Variants in PPP6R3 observed in about 807,000 individuals in gnomAD.
PPP6R3 encodes the protein serine/threonine-protein phosphatase 6 regulatory subunit 3.
In PPP6R3, 38 loss-of-function variants were observed where a neutral mutation model predicts 110.7. The observed-to-expected ratio is 0.34, with a 90% confidence interval of 0.26 to 0.45. The LOEUF is 0.45. PPP6R3 is among the 20% of genes least tolerant of loss of function. PPP6R3 has a pLI of 1.00. For synonymous variants in PPP6R3, 369 were observed against 373.5 expected (o/e 0.99, Z 0.14); for missense variants, 870 against 1,062.4 (o/e 0.82, Z 2.52).
chr11:68,469,354 G>T (rs2098772582), intron 1 of PPP6R3, among the ~76,000 whole-genome samples: 1 of 151,930 alleles, frequency 6.6e-6, no homozygotes, highest in South Asian at 2.1e-4. Flanking sequence ...GGTGTAATCT[G>T]GAGTGCAGTG....
At position 68,515,512 on chromosome 11, in the gene PPP6R3, AC is replaced by A. The variant is rs2099131958; in HGVS notation, c.-157-3987del. ...CATACCAGCTCGGAAGAGCTTGCAA[AC>A]CGATGTTCCAAAACACGCCCAGAAT... On this transcript the variant is annotated intron_variant, in intron 1 of 23. Transcript: ENST00000393800. Among the ~76,000 whole-genome samples, 4 of 152,348 alleles carry A rather than the reference AC, an allele frequency of 2.6e-5. No individual in the cohort carries two copies. The South Asian group carries it at 8.3e-4, about 32-fold the overall frequency.
At chr11:68,520,639 A>G (rs1288645744) in intron 2 of PPP6R3, among the ~76,000 whole-genome samples, 1 of 152,120 alleles carries the variant, frequency 6.6e-6, no homozygotes, top group African/African-American at 2.4e-5. Flanking sequence ...CTTGCCCCCG[A>G]TATTCAGATT....
chr11:68,485,586 A>C (rs954522736), intron 1 of PPP6R3, among the ~76,000 whole-genome samples: 65 of 152,112 alleles, frequency 4.3e-4, no homozygotes, highest in African/African-American at 1.4e-3. Context: ...TGTTTTTTGA[A>C]ATGAACAGGT....
At chr11:68,551,220 GAAA>G (rs35722725) in intron 6 of PPP6R3, 34 bp downstream of exon 6, 1 of 1,255,458 alleles carries the variant, frequency 8.0e-7, no homozygotes, top group East Asian at 3.0e-5. Flanking sequence ...AACTTGATTA[GAAA>G]AAAAAAACAA....
chr11:68,571,254 A>G (rs1340945769), intron 12 of PPP6R3, 150 bp downstream of exon 12: 29 of 1,155,432 alleles, frequency 2.5e-5, no homozygotes, highest in Non-Finnish European at 3.4e-5. Flanking sequence ...ATTTCATTGT[A>G]ACAGTTGTTT....
intron 1 of PPP6R3, among the ~76,000 whole-genome samples, chr11:68,485,335 G>C (rs1218791190): frequency 1.4e-5 from 2 of 139,524 alleles, no homozygotes; most frequent in Non-Finnish European, 3.1e-5. Flanking sequence ...TGTCAACAAA[G>C]ACAGTTTTAT....
intron 1 of PPP6R3, among the ~76,000 whole-genome samples, chr11:68,484,409 G>C (rs2098933438): frequency 6.6e-6 from 1 of 152,080 alleles, no homozygotes; most frequent in African/African-American, 2.4e-5. Context: ...TAATAGATGT[G>C]TTGTGCTATC....
intron 8 of PPP6R3, 113 bp downstream of exon 8, chr11:68,558,792 ATTC>A (rs2099408611): frequency 1.1e-5 from 8 of 753,398 alleles, no homozygotes; most frequent in African/African-American, 7.2e-5. Flanking sequence ...GCAGTTGCTG[ATTC>A]TTCTTCTGCT....
intron 1 of PPP6R3, among the ~76,000 whole-genome samples, chr11:68,470,811 T>C (rs1403309207): frequency 6.6e-6 from 1 of 152,094 alleles, no homozygotes. Context: ...TTTTTGTAGC[T>C]GGTGGGCGTT....
At chr11:68,568,099 T>A (rs1316082876) in intron 10 of PPP6R3, among the ~76,000 whole-genome samples, 2 of 152,146 alleles carry the variant, frequency 1.3e-5, no homozygotes, top group Non-Finnish European at 2.9e-5. Flanking sequence ...CACCGAGATA[T>A]TTTTGTTAGG....
At chr11:68,466,245 C>A (rs1370875638) in intron 1 of PPP6R3, among the ~76,000 whole-genome samples, 4 of 152,060 alleles carry the variant, frequency 2.6e-5, no homozygotes, top group African/African-American at 9.7e-5. Flanking sequence ...ACTTCTCACC[C>A]CCTTTAGTTT....
chr11:68,517,324 CAG>C (rs1357775893), intron 1 of PPP6R3, among the ~76,000 whole-genome samples: 1 of 152,078 alleles, frequency 6.6e-6, no homozygotes, highest in Admixed American at 6.5e-5. Flanking sequence ...GGATACACAA[CAG>C]AGTTGGAGCA....
At chr11:68,472,256 G>T (rs2098797561) in intron 1 of PPP6R3, among the ~76,000 whole-genome samples, 1 of 152,192 alleles carries the variant, frequency 6.6e-6, no homozygotes, top group South Asian at 2.1e-4. Context: ...CAGACGGAGA[G>T]GTTTGCCCAC....
chr11:68,558,725 T>C, intron 8 of PPP6R3, 46 bp downstream of exon 8: 1 of 1,453,842 alleles, frequency 6.9e-7, no homozygotes, highest in South Asian at 1.2e-5. Flanking sequence ...TTGTTTTGCT[T>C]TCAGATTTAA....
Position 68,545,166 on chromosome 11 carries a change from TA to T in PPP6R3, c.414+144del, listed in dbSNP as rs1381111792. 7 of 536,942 alleles carry T rather than the reference TA, an allele frequency of 1.3e-5. No individual in the cohort carries two copies. The East Asian group carries it at 2.1e-4, about 16-fold the overall frequency. 33.3% of individuals were successfully genotyped at this position (536,942 alleles called of 1,614,324 possible). A position where few individuals can be genotyped will look rare whatever the true frequency, so the allele number is the denominator to read the frequency against. On this transcript the variant is annotated intron_variant, in intron 4 of 23. Transcript: ENST00000393800. ...AATGTATTTTAAACCTTAAACATTC[TA>T]AGCACTCACATACTATTTGTATGTT...
chr11:68,476,024 G>A (rs1174436554), intron 1 of PPP6R3, among the ~76,000 whole-genome samples: 6 of 151,562 alleles, frequency 4.0e-5, no homozygotes, highest in Non-Finnish European at 5.9e-5. Flanking sequence ...GACGATGGGC[G>A]GCCAGGCAGA....
intron 1 of PPP6R3, among the ~76,000 whole-genome samples, chr11:68,514,620 T>C (rs7120557): frequency 0.25 from 38,506 of 152,142 alleles, 5,123 homozygotes; most frequent in Middle Eastern, 0.33. Context: ...AGTCTTGCTC[T>C]GACGCCCAGG....
chr11:68,610,229 G>A lies in PPP6R3; in HGVS notation c.2570+206G>A, dbSNP rs147578590. On this transcript the variant is annotated intron_variant, in intron 23 of 23. Transcript: ENST00000393800. ...AGAAACAGCAGTTCCTCTCCTTAGC[G>A]CAGAAACTGAAAACCAGTTTTTAGA... Among the ~76,000 whole-genome samples the A allele has an allele frequency of 2.4e-4, 37 of 152,278 alleles. No individual in the cohort carries two copies. In the East Asian group the frequency reaches 6.8e-3, roughly 28 times the overall value.
At chr11:68,488,324 C>T (rs2098961493) in intron 1 of PPP6R3, among the ~76,000 whole-genome samples, 1 of 152,064 alleles carries the variant, frequency 6.6e-6, no homozygotes, top group Non-Finnish European at 1.5e-5. Flanking sequence ...TGTGCCACCA[C>T]ACCCAGCTAA....
Sources: allele counts gnomAD v4.1 joint callset (sites outside exome capture counted in the v4.1 genomes callset), GRCh38; gene constraint gnomAD v4.1.1; transcripts MANE v1.5; gene names NCBI Gene and HGNC (gene_info 2026-07-23, HGNC 2026-07-21).